The following USP35 variants were observed in gnomAD, a reference collection of about 807,000 sequenced individuals.
USP35 encodes the protein ubiquitin specific peptidase 35, also known as ubiquitin carboxyl-terminal hydrolase 35.
In USP35, 69 loss-of-function variants were observed where a neutral mutation model predicts 83.8. The observed-to-expected ratio is 0.82, with a 90% CI of 0.68 to 1.01. The LOEUF is 1.01. USP35 is among the 50% of genes least tolerant of loss of function. USP35 has a pLI of 0.00. For missense variants in USP35, 1,503 were observed against 1,362.5 expected (o/e 1.10, Z -1.62); for synonymous variants, 714 against 589.5 (o/e 1.21, Z -3.06).
At chr11:78,207,406 G>A (rs1446521145) in intron 7 of USP35, 124 bp from the exon 8 acceptor site, 40 of 933,588 alleles carry the variant, frequency 4.3e-5, no homozygotes, top group Non-Finnish European at 4.6e-5. Flanking sequence ...TTCTGGCTCC[G>A]TCTTGGGGCA....
chr11:78,190,754 T>A (rs1862979045), intron 1 of USP35, among the ~76,000 whole-genome samples: 1 of 152,180 alleles, frequency 6.6e-6, no homozygotes, highest in African/African-American at 2.4e-5. Flanking sequence ...GCATGTGAGC[T>A]GGGCATTGAA....
chr11:78,197,060 C>CTGCA, intron 2 of USP35, 142 bp downstream of exon 2: 1 of 1,345,794 alleles, frequency 7.4e-7, no homozygotes, highest in Non-Finnish European at 9.5e-7. Flanking sequence ...AGGTGGAGGG[C>CTGCA]TGCAGCCTGC....
downstream of USP35, chr11:78,217,712 C>T (rs1056089166): frequency 6.6e-6 from 1 of 152,288 alleles, no homozygotes; most frequent in East Asian, 1.9e-4. Flanking sequence ...TACACCCCGT[C>T]CCTGCTAATC....
In USP35 at chr11:78,204,132, C is replaced by T. The variant is rs545896352; in HGVS notation, c.1198-1710C>T. Among the ~76,000 whole-genome samples the T allele has an allele frequency of 5.9e-5, 9 of 152,038 alleles. No homozygotes were observed. In the East Asian group the frequency reaches 1.2e-3, roughly 20 times the overall value. On this transcript the variant is annotated intron_variant, in intron 6 of 10. Coordinates refer to ENST00000529308, the MANE Select transcript of USP35 (RefSeq NM_020798.4). ...GTCTCGATCTCCTGACCTCGTGATC[C>T]GCCCGCCTCGGCCTCCCAAAGTGCT...
At chr11:78,197,282 A>G (rs972531751) in intron 2 of USP35, among the ~76,000 whole-genome samples, 1 of 151,358 alleles carries the variant, frequency 6.6e-6, no homozygotes, top group Non-Finnish European at 1.5e-5. Flanking sequence ...TGAGTTTGAT[A>G]GAAGCTATCA....
Position 78,210,047 on chromosome 11 carries a change from A to C in USP35, c.2192A>C (p.Lys731Thr). Residue 731 changes from lysine to threonine, a missense_variant, in exon 10 of 11, where the codon AAG (lysine) becomes ACG (threonine). By Grantham distance (78) the Lys-to-Thr change is moderately conservative. Transcript: ENST00000529308. The stretch of plus-strand genomic sequence containing the variant: ...ACAGAAAAGGAGGCTGAGCAGGAAA[A>C]GGAAGAAGACAGCCTGGGAGCGGGG... ...KETEKEAEQE[K>T]EEDSLGAGTH... 6.2e-7 allele frequency: 1 copy of C among 1,613,838 alleles called. No individual in the cohort carries two copies. The highest frequency in any genetic ancestry group is 8.5e-7 in the Non-Finnish European group (1 of 1,179,870).
intron 3 of USP35, 105 bp from the exon 4 acceptor site, chr11:78,199,490 G>A: frequency 6.5e-7 from 1 of 1,537,052 alleles, no homozygotes; most frequent in African/African-American, 1.4e-5. Context: ...TTGCAGGTGT[G>A]AGTCAATGTG....
chr11:78,222,493 T>C, the USP35 span, among the ~76,000 whole-genome samples: 154 of 149,978 alleles, frequency 1.0e-3, 2 homozygotes, highest in South Asian at 0.031. Context: ...AATTTATGAC[T>C]TCATTTAAAA....
the USP35 span, among the ~76,000 whole-genome samples, chr11:78,224,111 G>C: frequency 1.3e-5 from 2 of 152,082 alleles, no homozygotes; most frequent in African/African-American, 4.8e-5. Context: ...AAAGGAAGCA[G>C]AGTGGGAGAC....
chr11:78,211,200 G>T (rs543213583), intron 10 of USP35, among the ~76,000 whole-genome samples: 2 of 151,670 alleles, frequency 1.3e-5, no homozygotes, highest in African/African-American at 4.9e-5. Context: ...AAGAGCATGC[G>T]GTATTTGGTT....
intron 1 of USP35, among the ~76,000 whole-genome samples, chr11:78,194,131 A>G (rs1319317666): frequency 1.4e-5 from 2 of 147,664 alleles, no homozygotes; most frequent in Non-Finnish European, 2.9e-5. Context: ...CATGGTTACA[A>G]CCTCTAACCA....
chr11:78,220,995 T>C, the USP35 span, among the ~76,000 whole-genome samples: 1 of 152,144 alleles, frequency 6.6e-6, no homozygotes, highest in Non-Finnish European at 1.5e-5. Context: ...TCCTCCAAGA[T>C]CTGAAGAGGG....
At chr11:78,208,048 G>T (rs1863588647) in intron 8 of USP35, among the ~76,000 whole-genome samples, 1 of 152,212 alleles carries the variant, frequency 6.6e-6, no homozygotes, top group South Asian at 2.1e-4. Context: ...GGCATCACAG[G>T]GTGTGAGAGC....
At position 78,209,878 on chromosome 11, in the gene USP35, G is replaced by A. The variant is rs541273281; in HGVS notation, c.2023G>A (p.Glu675Lys). ...AGCTGGTGGGCAGAGCAGTCAGGAG[G>A]AAAGGATAGAGAGGGAGGAAGAAGG... Reference protein sequence around the residue: ...KEAGGQSSQEERIEREEEGKE... With the variant: ...KEAGGQSSQEKRIEREEEGKE... Residue 675 changes from glutamate to lysine, a missense_variant, in exon 10 of 11, where the codon GAA (glutamate) becomes AAA (lysine). Coordinates refer to ENST00000529308, the MANE Select transcript of USP35 (RefSeq NM_020798.4). 2.5e-6 allele frequency: 4 copies of A among 1,607,652 alleles called. No homozygotes were observed. The African/African-American group carries it at 5.3e-5, about 21-fold the overall frequency.
chr11:78,208,203 C>T (rs1590912916), intron 8 of USP35, among the ~76,000 whole-genome samples: 1 of 152,310 alleles, frequency 6.6e-6, no homozygotes, highest in East Asian at 1.9e-4. Context: ...GGACCTCATC[C>T]TCTCTTGAAG....
At chr11:78,211,964 G>GTT (rs1458015409) in intron 10 of USP35, among the ~76,000 whole-genome samples, 1 of 152,096 alleles carries the variant, frequency 6.6e-6, no homozygotes, top group East Asian at 1.9e-4. Context: ...ATTTGTCATT[G>GTT]TTTGCTTTTG....
rs756294367 is a variant in USP35, at chr11:78,213,665, G to A, written c.2909G>A (p.Arg970Gln). The A allele has an allele frequency of 3.3e-6, 5 of 1,497,920 alleles. No homozygotes were observed. The highest frequency in any genetic ancestry group is 2.7e-5 in the Admixed American group (1 of 36,714). 92.8% of individuals were successfully genotyped at this position (1,497,920 alleles called of 1,614,324 possible). The stretch of plus-strand genomic sequence containing the variant: ...TCCCAGGAGCAGGAGAAGGAGGCCC[G>A]GAGCAGGGCGGCCTACATCTCTGCA... Reference protein sequence around the residue: ...LYLQEQEKEARSRAAYISALP... With the variant: ...LYLQEQEKEAQSRAAYISALP... The change falls in exon 11 of 11, where the codon CGG (arginine) becomes CAG (glutamine). Residue 970 changes from arginine to glutamine, a missense_variant. Coordinates refer to ENST00000529308, the MANE Select transcript of USP35 (RefSeq NM_020798.4).
intron 8 of USP35, among the ~76,000 whole-genome samples, 200 bp from the exon 9 acceptor site, chr11:78,208,657 C>T (rs1186634634): frequency 2.0e-5 from 3 of 152,152 alleles, no homozygotes; most frequent in Non-Finnish European, 2.9e-5. Flanking sequence ...AGCCCAATGC[C>T]CTGCTCAGCC....
downstream of USP35, chr11:78,216,846 C>T (rs1039453852): frequency 4.6e-5 from 7 of 152,200 alleles, no homozygotes; most frequent in South Asian, 2.1e-4. Context: ...TTAAGGCACA[C>T]ATTCAGGGCT....
Sources: gnomAD v4.1 joint callset for allele counts (sites outside exome capture counted in the v4.1 genomes callset) on GRCh38, gnomAD v4.1.1 for gene constraint, MANE v1.5 for transcripts, NCBI Gene and HGNC (gene_info 2026-07-23, HGNC 2026-07-21) for gene names.